PCA3: variants seen among roughly 807,000 people sequenced by gnomAD.
PCA3 encodes prostate cancer associated 3.
At chr9:76,767,959 C>T (rs1455743562) in intron 2 of PCA3, among the ~76,000 whole-genome samples, 2 of 152,168 alleles carry the variant, frequency 1.3e-5, no homozygotes, top group East Asian at 3.9e-4. Flanking sequence ...AATAATTGTA[C>T]ATTCACATCT....
intron 2 of PCA3, among the ~76,000 whole-genome samples, chr9:76,781,723 T>C (rs954992017): frequency 2.0e-5 from 3 of 152,246 alleles, no homozygotes; most frequent in South Asian, 4.1e-4. Flanking sequence ...AAGAATTATG[T>C]GTATTTTAGT....
intron 2 of PCA3, among the ~76,000 whole-genome samples, chr9:76,771,851 C>T (rs907001610): frequency 6.6e-6 from 1 of 152,118 alleles, no homozygotes; most frequent in African/African-American, 2.4e-5. Flanking sequence ...GTGTGGTTTG[C>T]AGACCACACC....
At chr9:76,774,461 T>A (rs143879585) in intron 2 of PCA3, among the ~76,000 whole-genome samples, 10,223 of 74,312 alleles carry the variant, frequency 0.14, 688 homozygotes, top group African/African-American at 0.31. Flanking sequence ...TTTTTTTTTT[T>A]TTTTTTTTTT....
chr9:76,778,808 C>A (rs1330593340), intron 2 of PCA3: 1 of 152,150 alleles, frequency 6.6e-6, no homozygotes, highest in Non-Finnish European at 1.5e-5. Flanking sequence ...TGGCATAACA[C>A]CAAATTTAAT....
intron 2 of PCA3, among the ~76,000 whole-genome samples, chr9:76,775,675 T>C (rs1343125010): frequency 1.3e-5 from 2 of 152,226 alleles, no homozygotes; most frequent in African/African-American, 4.8e-5. Context: ...GAATGTTATC[T>C]CTTTACATTT....
intron 2 of PCA3, among the ~76,000 whole-genome samples, chr9:76,776,491 C>A (rs147714604): frequency 4.9e-4 from 74 of 151,198 alleles, no homozygotes; most frequent in African/African-American, 1.3e-3. Context: ...ACATTTACAC[C>A]ACATTTTCTT....
chr9:76,768,532 A>G lies in PCA3; in HGVS notation n.852+31917A>G, dbSNP rs533046550. On this transcript the variant is annotated intron_variant and non_coding_transcript_variant, in intron 2 of 5. Transcript: ENST00000644657. Reference sequence around the variant, plus strand: ...ATCAAGTCTGTCTGCAGCCGCACCTAGAACGTTCTCTGGGTCTCTTATCTT... The same window carrying G: ...ATCAAGTCTGTCTGCAGCCGCACCTGGAACGTTCTCTGGGTCTCTTATCTT... 7.9e-5 allele frequency among the ~76,000 whole-genome samples: 12 copies of G among 151,890 alleles called. No individual in the cohort carries two copies. In the South Asian group the frequency reaches 2.5e-3, roughly 32 times the overall value.
chr9:76,773,933 T>C (rs2053410079), intron 2 of PCA3, among the ~76,000 whole-genome samples: 1 of 152,114 alleles, frequency 6.6e-6, no homozygotes, highest in Admixed American at 6.6e-5. Flanking sequence ...ATGAGACTCC[T>C]TTATAAAGAG....
intron 2 of PCA3, among the ~76,000 whole-genome samples, chr9:76,765,605 C>T (rs1277988797): frequency 1.3e-5 from 2 of 152,152 alleles, no homozygotes. Flanking sequence ...ACTATCTATC[C>T]ATCCATCTAT....
chr9:76,774,458 T>TTTATTTATTTATTTATTTTTA (rs2053499577), intron 2 of PCA3, among the ~76,000 whole-genome samples: 1 of 33,294 alleles, frequency 3.0e-5, no homozygotes, highest in East Asian at 1.8e-3. Flanking sequence ...CCCTTTTTTT[T>TTTATTTATTTATTTATTTTTA]TTTTTTTTTT....
At chr9:76,780,686 G>A (rs559140350) in intron 2 of PCA3, among the ~76,000 whole-genome samples, 10 of 151,946 alleles carry the variant, frequency 6.6e-5, no homozygotes, top group Admixed American at 1.3e-4. Flanking sequence ...GCAAGACTCC[G>A]TCTCAAAAAC....
At chr9:76,767,636 C>T (rs2052561650) in intron 2 of PCA3, among the ~76,000 whole-genome samples, 1 of 152,154 alleles carries the variant, frequency 6.6e-6, no homozygotes, top group African/African-American at 2.4e-5. Flanking sequence ...TTGTTGACTT[C>T]TCATCTTCCT....
intron 2 of PCA3, among the ~76,000 whole-genome samples, chr9:76,775,629 C>T (rs913807484): frequency 6.6e-6 from 1 of 152,148 alleles, no homozygotes; most frequent in African/African-American, 2.4e-5. Flanking sequence ...ATCATTTTCT[C>T]AGTCTGTCCA....
chr9:76,767,361 G>C (rs1043318616), intron 2 of PCA3, among the ~76,000 whole-genome samples: 1 of 151,888 alleles, frequency 6.6e-6, no homozygotes, highest in Admixed American at 6.6e-5. Flanking sequence ...CGAGGCAGGA[G>C]AATAGCTTGA....
intron 2 of PCA3, among the ~76,000 whole-genome samples, chr9:76,773,155 C>T (rs1165140535): frequency 1.3e-5 from 2 of 152,198 alleles, no homozygotes; most frequent in African/African-American, 2.4e-5. Context: ...GTTAAATTTA[C>T]TTCACCAAAG....
At chr9:76,766,989 C>G (rs368705478) in intron 2 of PCA3, among the ~76,000 whole-genome samples, 18 of 152,324 alleles carry the variant, frequency 1.2e-4, no homozygotes, top group Admixed American at 5.2e-4. Context: ...CACCTTCCCC[C>G]CAAGGCGAAG....
chr9:76,765,838 C>A (rs2052306480), intron 2 of PCA3, among the ~76,000 whole-genome samples: 1 of 152,128 alleles, frequency 6.6e-6, no homozygotes, highest in South Asian at 2.1e-4. Flanking sequence ...GTTTAGATAA[C>A]CTCTAAGATC....
rs549297695 is a variant in PCA3 at position 76,770,419 on chromosome 9, C to T, written n.852+33804C>T. Among the ~76,000 whole-genome samples the T allele has an allele frequency of 4.6e-5, 7 of 152,014 alleles. No individual in the cohort carries two copies. The South Asian group carries it at 1.5e-3, about 32-fold the overall frequency. ...AACACATTTTCAATCCAATCTATTG[C>T]CTTATTTTTAAAATATGTTAATGGC... On this transcript the variant is annotated intron_variant and non_coding_transcript_variant, in intron 2 of 5. Coordinates refer to ENST00000644657, the Ensembl canonical transcript of PCA3.
intron 2 of PCA3, among the ~76,000 whole-genome samples, chr9:76,783,538 C>A (rs1421888352): frequency 6.6e-6 from 1 of 152,144 alleles, no homozygotes; most frequent in East Asian, 1.9e-4. Flanking sequence ...TTTGTTCCTG[C>A]CAACAGCCCA....
Sources: gnomAD v4.1 joint callset for allele counts (sites outside exome capture counted in the v4.1 genomes callset) on GRCh38, gnomAD v4.1.1 for gene constraint, MANE v1.5 for transcripts, NCBI Gene and HGNC (gene_info 2026-07-23, HGNC 2026-07-21) for gene names.